UBE2W: variants seen among roughly 807,000 people sequenced by gnomAD.
UBE2W encodes ubiquitin conjugating enzyme E2 W.
A neutral mutation model predicts 27.2 loss-of-function variants in UBE2W; 18 were observed. The ratio of observed to expected loss-of-function variants is 0.66; its 90% CI spans 0.46 to 0.98. The LOEUF (loss-of-function observed/expected upper bound fraction) is 0.98, where lower values mean the gene tolerates loss of function less well. Among genes scored for constraint, UBE2W ranks in the 50% least tolerant of loss-of-function variants. The probability of loss-of-function intolerance (pLI) is 0.00; values close to 1 mark genes in which losing one functional copy is unlikely to be tolerated. For missense variants in UBE2W, 90 were observed against 180.2 expected (o/e 0.50, Z 2.87); for synonymous variants, 53 against 57.2 (o/e 0.93, Z 0.33).
intron 3 of UBE2W, among the ~76,000 whole-genome samples, chr8:73,812,221 TA>T (rs760841875): frequency 0.11 from 8,099 of 75,220 alleles, 557 homozygotes; most frequent in African/African-American, 0.28. Flanking sequence ...TTCCCACTAA[TA>T]AAAAAAAAAA....
In UBE2W at chr8:73,789,972, A is replaced by T. The variant is rs1808125598; in HGVS notation, c.*4130T>A. On this transcript the variant is annotated 3_prime_UTR_variant, in exon 6 of 6. Transcript: ENST00000602593. Reference sequence around the variant, plus strand: ...GGAGAGTCCTCATCCGAAAATAACAAAATTTCCTTAATATTAGTACTAAAG... The same window carrying T: ...GGAGAGTCCTCATCCGAAAATAACATAATTTCCTTAATATTAGTACTAAAG... 1.0e-6 allele frequency: 1 copy of T among 984,548 alleles called. No individual in the cohort carries two copies. Among genetic ancestry groups the T allele is most frequent in the South Asian group, 4.7e-5 (1 of 21,272 alleles). 61.0% of individuals were successfully genotyped at this position (984,548 alleles called of 1,614,324 possible).
At chr8:73,834,812 G>A (rs1810238853) in intron 1 of UBE2W, among the ~76,000 whole-genome samples, 1 of 152,198 alleles carries the variant, frequency 6.6e-6, no homozygotes, top group Admixed American at 6.5e-5. Context: ...GGGAGGCTGA[G>A]GCACAAGAAT....
intron 5 of UBE2W, among the ~76,000 whole-genome samples, chr8:73,799,867 T>C (rs1808566274): frequency 6.6e-6 from 1 of 152,180 alleles, no homozygotes; most frequent in Non-Finnish European, 1.5e-5. Context: ...GAAAATTAGA[T>C]GATGCTAAGA....
chr8:73,805,472 C>CAAAAAAAAAAAAACAAAAAAAAAAAAA, intron 5 of UBE2W, among the ~76,000 whole-genome samples, 179 bp downstream of exon 5: 1 of 43,676 alleles, frequency 2.3e-5, no homozygotes, highest in South Asian at 9.2e-4. Flanking sequence ...AAAAAAAAAA[C>CAAAAAAAAAAAAACAAAAAAAAAAAAA]AAAAAAAACT....
chr8:73,800,576 G>A (rs1040660539), intron 5 of UBE2W, among the ~76,000 whole-genome samples: 2 of 152,098 alleles, frequency 1.3e-5, no homozygotes, highest in Admixed American at 6.6e-5. Context: ...AGGTGAAAGA[G>A]GAAAGGATAA....
At chr8:73,868,688 A>G (rs1416513468) in intron 1 of UBE2W, among the ~76,000 whole-genome samples, 17 of 149,646 alleles carry the variant, frequency 1.1e-4, no homozygotes, top group Non-Finnish European at 2.2e-4. Context: ...GCTGGTGTTG[A>G]AAAATTGCTT....
intron 1 of UBE2W, among the ~76,000 whole-genome samples, chr8:73,851,577 A>G (rs560814858): frequency 6.6e-6 from 1 of 152,302 alleles, no homozygotes; most frequent in East Asian, 1.9e-4. Context: ...GGCAATAAAC[A>G]TATGTAAAGT....
chr8:73,781,997 G>C (rs1807855798), downstream of UBE2W, among the ~76,000 whole-genome samples: 1 of 144,386 alleles, frequency 6.9e-6, no homozygotes, highest in Admixed American at 7.1e-5. Flanking sequence ...CTGGAGTGCA[G>C]TGGCATGATC....
intron 1 of UBE2W, among the ~76,000 whole-genome samples, chr8:73,852,461 A>T (rs1243523711): frequency 6.6e-6 from 1 of 152,230 alleles, no homozygotes; most frequent in Non-Finnish European, 1.5e-5. Context: ...AATAAAATAC[A>T]GTTCTGTATC....
At chr8:73,830,866 C>T (rs1810037699) in intron 1 of UBE2W, among the ~76,000 whole-genome samples, 1 of 152,190 alleles carries the variant, frequency 6.6e-6, no homozygotes. Context: ...ATTAAATTTC[C>T]TCCAAATGTT....
intron 3 of UBE2W, among the ~76,000 whole-genome samples, chr8:73,814,556 T>C (rs1313785380): frequency 6.6e-6 from 1 of 152,162 alleles, no homozygotes; most frequent in East Asian, 1.9e-4. Context: ...TCTCGCACTG[T>C]TGCCCAGGCT....
chr8:73,832,136 A>AT (rs1563601304), intron 1 of UBE2W, among the ~76,000 whole-genome samples: 1,910 of 145,404 alleles, frequency 0.013, 50 homozygotes, highest in African/African-American at 0.048. Context: ...AAAATAAATA[A>AT]ATATATATAT....
chr8:73,789,832 G>T lies in UBE2W; in HGVS notation c.*4270C>A. The T allele has an allele frequency of 2.4e-6, 2 of 844,350 alleles. No individual in the cohort carries two copies. Among genetic ancestry groups the T allele is most frequent in the Non-Finnish European group, 2.9e-6 (2 of 701,650 alleles). The allele number at this position is 844,350 out of a possible 1,614,324, so 52.3% of individuals were successfully genotyped here. On this transcript the variant is annotated 3_prime_UTR_variant, in exon 6 of 6. Transcript: ENST00000602593. ...AGCCCGGGTGACAGAGCAAGACTCCGTCTCAAAAATAAATAAATAAATAAA... is the reference window on the plus strand; with the variant it reads ...AGCCCGGGTGACAGAGCAAGACTCCTTCTCAAAAATAAATAAATAAATAAA...
chr8:73,800,962 C>T (rs1808613710), intron 5 of UBE2W, among the ~76,000 whole-genome samples: 1 of 152,082 alleles, frequency 6.6e-6, no homozygotes, highest in African/African-American at 2.4e-5. Flanking sequence ...CGTGGTGGCA[C>T]ATGCCTGTAA....
chr8:73,804,689 TC>T (rs1189468311), intron 5 of UBE2W, among the ~76,000 whole-genome samples: 1 of 151,966 alleles, frequency 6.6e-6, no homozygotes, highest in Non-Finnish European at 1.5e-5. Context: ...CATCAAAACT[TC>T]TATTTCAAAC....
chr8:73,839,347 T>TGAAAA (rs1554583338), intron 1 of UBE2W, among the ~76,000 whole-genome samples: 2 of 131,710 alleles, frequency 1.5e-5, no homozygotes, highest in Non-Finnish European at 3.2e-5. Flanking sequence ...TGCTCCTAGT[T>TGAAAA]AAAAAAAAAA....
At chr8:73,876,140 T>C (rs7831549) in intron 1 of UBE2W, among the ~76,000 whole-genome samples, 17,455 of 151,938 alleles carry the variant, frequency 0.11, 3,237 homozygotes, top group African/African-American at 0.39. Context: ...ATTAAATCCA[T>C]GAGGGCAGAA....
intron 1 of UBE2W, among the ~76,000 whole-genome samples, chr8:73,845,234 G>C (rs1401217914): frequency 4.6e-5 from 7 of 152,200 alleles, no homozygotes; most frequent in African/African-American, 1.4e-4. Context: ...CATTGAGAAC[G>C]GGCCATGATG....
Position 73,788,837 on chromosome 8 carries a change from T to C in UBE2W, c.*5265A>G, listed in dbSNP as rs1808073684. On this transcript the variant is annotated 3_prime_UTR_variant, in exon 6 of 6. Transcript: ENST00000602593. ...CTAGAACAAGAATTGGATCTCTCCT[T>C]TTCCCAGTCAACTCCTCACTCACCA... 2 of 985,256 alleles carry C rather than the reference T, an allele frequency of 2.0e-6. No individual in the cohort carries two copies. Among genetic ancestry groups the C allele is most frequent in the Non-Finnish European group, 2.4e-6 (2 of 829,944 alleles). 61.0% of individuals were successfully genotyped at this position (985,256 alleles called of 1,614,324 possible). A position where few individuals can be genotyped will look rare whatever the true frequency, so the allele number is the denominator to read the frequency against.
Sources: gnomAD v4.1 joint callset for allele counts (sites outside exome capture counted in the v4.1 genomes callset) on GRCh38, gnomAD v4.1.1 for gene constraint, MANE v1.5 for transcripts, NCBI Gene and HGNC (gene_info 2026-07-23, HGNC 2026-07-21) for gene names.